The following SLAMF6 variants were observed in gnomAD, a reference collection of about 807,000 sequenced individuals.
SLAMF6 encodes the protein NK-T-B-antigen.
In SLAMF6, 21 loss-of-function variants were observed where a neutral mutation model predicts 38.3. That is an observed-to-expected ratio of 0.55 (90% CI 0.39 to 0.79). The LOEUF is 0.79. Ranked by LOEUF, SLAMF6 falls within the 30% of genes least tolerant of loss-of-function variation. The pLI is 0.00. For synonymous variants in SLAMF6, 152 were observed against 146.3 expected (o/e 1.04, Z -0.28); for missense variants, 341 against 385.3 (o/e 0.89, Z 0.96).
intron 2 of SLAMF6, among the ~76,000 whole-genome samples, chr1:160,492,787 C>T (rs994044131): frequency 3.9e-5 from 6 of 152,168 alleles, no homozygotes; most frequent in Admixed American, 6.6e-5. Context: ...GAGGCCAAAA[C>T]CTCTGGAGTT....
chr1:160,500,205 T>C (rs773977459), intron 1 of SLAMF6, among the ~76,000 whole-genome samples: 6 of 152,256 alleles, frequency 3.9e-5, no homozygotes, highest in Admixed American at 3.9e-4. Flanking sequence ...AAGATTCGTA[T>C]AGTTTTTCTC....
intron 1 of SLAMF6, among the ~76,000 whole-genome samples, chr1:160,508,946 A>T (rs145914642): frequency 3.9e-5 from 6 of 152,236 alleles, no homozygotes; most frequent in African/African-American, 1.4e-4. Context: ...AACCAAAATC[A>T]CAATGAGATA....
At chr1:160,520,875 C>T (rs993244835) in intron 1 of SLAMF6, among the ~76,000 whole-genome samples, 6 of 152,288 alleles carry the variant, frequency 3.9e-5, no homozygotes, top group Non-Finnish European at 8.8e-5. Flanking sequence ...ACTCCAGGCT[C>T]TTTCCTGCAT....
intron 1 of SLAMF6, among the ~76,000 whole-genome samples, chr1:160,499,602 A>G (rs1273540543): frequency 6.6e-6 from 1 of 152,134 alleles, no homozygotes; most frequent in Non-Finnish European, 1.5e-5. Flanking sequence ...GAAGAATGAC[A>G]TTGGTAGTTT....
intron 2 of SLAMF6, 26 bp downstream of exon 2, chr1:160,496,035 G>T (rs745419667): frequency 1.3e-6 from 2 of 1,592,122 alleles, no homozygotes; most frequent in African/African-American, 1.3e-5. Flanking sequence ...AGTCCATATG[G>T]AATTAAACCC....
intron 6 of SLAMF6, among the ~76,000 whole-genome samples, chr1:160,488,853 T>A (rs919010759): frequency 1.1e-4 from 16 of 152,212 alleles, no homozygotes; most frequent in African/African-American, 3.6e-4. Flanking sequence ...CAAGACTTAC[T>A]GATGCATCAA....
chr1:160,518,574 C>T (rs997336316), intron 1 of SLAMF6, among the ~76,000 whole-genome samples: 8 of 151,982 alleles, frequency 5.3e-5, no homozygotes, highest in African/African-American at 1.9e-4. Context: ...GTATACACCA[C>T]GGAATACTAT....
intron 1 of SLAMF6, among the ~76,000 whole-genome samples, chr1:160,518,778 G>C (rs1224640312): frequency 6.6e-6 from 1 of 152,024 alleles, no homozygotes; most frequent in East Asian, 1.9e-4. Context: ...GGTGGGGCAG[G>C]GGGGAGAGAG....
chr1:160,518,495 A>G (rs1654845835), intron 1 of SLAMF6, among the ~76,000 whole-genome samples: 1 of 152,188 alleles, frequency 6.6e-6, no homozygotes, highest in Admixed American at 6.5e-5. Context: ...AGCACTATTC[A>G]TAATAGCAAA....
intron 4 of SLAMF6, 40 bp downstream of exon 4, chr1:160,490,534 GA>G: frequency 6.2e-7 from 1 of 1,601,442 alleles, no homozygotes; most frequent in South Asian, 1.1e-5. Context: ...TCAATCACTG[GA>G]ACCTTGGAGA....
rs1406890952 is a variant in SLAMF6 at position 160,486,406 on chromosome 1, TA to T, written c.*300del. ...TGGATCATAAACTCTCTGTCAACCA[TA>T]ATTCCATTTGCTTAGTTATCAAAGA... On this transcript the variant is annotated 3_prime_UTR_variant, in exon 8 of 8. Transcript: ENST00000368057. 3.0e-6 allele frequency: 1 copy of T among 332,452 alleles called. No individual in the cohort carries two copies. The highest frequency in any genetic ancestry group is 5.7e-6 in the Non-Finnish European group (1 of 176,492). The allele number at this position is 332,452 out of a possible 1,614,324, so 20.6% of individuals were successfully genotyped here. A position where few individuals can be genotyped will look rare whatever the true frequency, so the allele number is the denominator to read the frequency against.
At chr1:160,499,810 C>G (rs928464092) in intron 1 of SLAMF6, among the ~76,000 whole-genome samples, 1 of 152,174 alleles carries the variant, frequency 6.6e-6, no homozygotes, top group Non-Finnish European at 1.5e-5. Flanking sequence ...CTTCCTCTCT[C>G]TTTCATGAAT....
intron 1 of SLAMF6, among the ~76,000 whole-genome samples, chr1:160,521,480 G>T (rs556526579): frequency 1.3e-5 from 2 of 152,248 alleles, no homozygotes; most frequent in East Asian, 3.9e-4. Context: ...AAATAATTTT[G>T]CAGGGTGGTA....
intron 6 of SLAMF6, 56 bp downstream of exon 6, chr1:160,489,032 T>C: frequency 6.7e-7 from 1 of 1,484,482 alleles, no homozygotes; most frequent in South Asian, 1.1e-5. Flanking sequence ...GTGACAAGTT[T>C]GTGAACAATG....
intron 7 of SLAMF6, 78 bp from the exon 8 acceptor site, chr1:160,486,832 G>C (rs1652988031): frequency 1.1e-5 from 16 of 1,495,136 alleles, no homozygotes; most frequent in South Asian, 3.4e-5. Flanking sequence ...ACAGAGAGAG[G>C]ACTGGAGACT....
At chr1:160,508,687 C>T (rs1054677147) in intron 1 of SLAMF6, among the ~76,000 whole-genome samples, 32 of 152,132 alleles carry the variant, frequency 2.1e-4, no homozygotes, top group African/African-American at 4.8e-5. Flanking sequence ...AGAGCTTCTG[C>T]ACAGCAAAAG....
intron 1 of SLAMF6, among the ~76,000 whole-genome samples, chr1:160,518,309 G>A (rs1007314818): frequency 6.6e-6 from 1 of 152,186 alleles, no homozygotes; most frequent in African/African-American, 2.4e-5. Context: ...CTGTTGGTGG[G>A]AATGTAAATT....
chr1:160,489,024 G>T, intron 6 of SLAMF6, 64 bp downstream of exon 6: 4 of 1,435,016 alleles, frequency 2.8e-6, no homozygotes, highest in South Asian at 2.3e-5. Context: ...TGGTTATGGT[G>T]ACAAGTTTGT....
In SLAMF6 at chr1:160,486,608, T is replaced by C. The variant is rs537037653; in HGVS notation, c.*99A>G. On this transcript the variant is annotated 3_prime_UTR_variant, in exon 8 of 8. Transcript: ENST00000368057. The stretch of plus-strand genomic sequence containing the variant: ...TCCTATCCTAGATATTCAAATTCTG[T>C]TGCCAGGAACAACAGGAACCAAGCT... 3.9e-6 allele frequency: 5 copies of C among 1,277,822 alleles called. No homozygotes were observed. In the African/African-American group the frequency reaches 5.9e-5, roughly 15 times the overall value. The allele number at this position is 1,277,822 out of a possible 1,614,324, so 79.2% of individuals were successfully genotyped here.
Sources: allele counts gnomAD v4.1 joint callset (sites outside exome capture counted in the v4.1 genomes callset), GRCh38; gene constraint gnomAD v4.1.1; transcripts MANE v1.5; gene names NCBI Gene and HGNC (gene_info 2026-07-23, HGNC 2026-07-21).